The following UVRAG variants were observed in gnomAD, a reference collection of about 807,000 sequenced individuals.
The protein encoded by UVRAG is UV radiation resistance associated, also known as UV radiation resistance-associated gene protein.
A neutral mutation model predicts 78.0 loss-of-function variants in UVRAG; 19 were observed. That is an observed-to-expected ratio of 0.24 (90% CI 0.17 to 0.36). UVRAG has a LOEUF of 0.36. UVRAG is among the 10% of genes least tolerant of loss of function. The pLI is 1.00. For missense variants in UVRAG, 740 were observed against 853.8 expected, an observed-to-expected ratio of 0.87 and a Z score of 1.66; for synonymous variants, 323 against 324.6, an observed-to-expected ratio of 1.00 and a Z score of 0.05.
intron 1 of UVRAG, among the ~76,000 whole-genome samples, chr11:75,839,882 A>G (rs1033962273): frequency 2.0e-5 from 3 of 147,404 alleles, no homozygotes; most frequent in Non-Finnish European, 3.0e-5. Flanking sequence ...GAGAGAGAGA[A>G]AGAGATTGAG....
chr11:76,076,059 G>C (rs1006915605), intron 13 of UVRAG, among the ~76,000 whole-genome samples: 1 of 152,076 alleles, frequency 6.6e-6, no homozygotes, highest in African/African-American at 2.4e-5. Flanking sequence ...TGAACATTTG[G>C]GTACAAGTTT....
At chr11:75,896,903 A>G (rs1365036318) in intron 5 of UVRAG, among the ~76,000 whole-genome samples, 2 of 152,238 alleles carry the variant, frequency 1.3e-5, no homozygotes, top group Non-Finnish European at 2.9e-5. Context: ...GAAATTACTT[A>G]TAGACAAATC....
At chr11:76,063,325 T>C (rs1211847402) in intron 12 of UVRAG, among the ~76,000 whole-genome samples, 1 of 152,164 alleles carries the variant, frequency 6.6e-6, no homozygotes, top group Non-Finnish European at 1.5e-5. Flanking sequence ...TAAGCCAGTT[T>C]GATAGTTCAC....
chr11:76,119,285 C>T (rs1952235604), intron 14 of UVRAG, among the ~76,000 whole-genome samples: 1 of 152,106 alleles, frequency 6.6e-6, no homozygotes, highest in Admixed American at 6.5e-5. Context: ...TTCTCCATGG[C>T]CCCATCTTAG....
chr11:75,913,453 C>G (rs1465808358), intron 6 of UVRAG, among the ~76,000 whole-genome samples: 1 of 152,070 alleles, frequency 6.6e-6, no homozygotes, highest in Non-Finnish European at 1.5e-5. Flanking sequence ...ATTAATCCTA[C>G]CCTGCCTTTA....
At chr11:75,996,059 G>GT (rs1382335910) in intron 8 of UVRAG, among the ~76,000 whole-genome samples, 2 of 151,990 alleles carry the variant, frequency 1.3e-5, no homozygotes, top group African/African-American at 4.8e-5. Context: ...CAGTTTCCAT[G>GT]TAAGTATAGT....
At chr11:76,087,316 G>A (rs1159778464) in intron 13 of UVRAG, among the ~76,000 whole-genome samples, 2 of 152,184 alleles carry the variant, frequency 1.3e-5, no homozygotes, top group Non-Finnish European at 1.5e-5. Flanking sequence ...TGACCGGTGA[G>A]CAGTATGGTA....
In UVRAG at chr11:75,836,632, G is replaced by C. The variant is rs1590916190; in HGVS notation, c.118-15251G>C. Among the ~76,000 whole-genome samples the C allele has an allele frequency of 2.0e-5, 3 of 152,080 alleles. No homozygotes were observed. The South Asian group carries it at 6.2e-4, about 32-fold the overall frequency. Reference sequence around the variant, plus strand: ...CTTCATTCACTGCCCTAAAGCTACTGTTCATACCACGAAAAAGCAGCTTCC... The same window carrying C: ...CTTCATTCACTGCCCTAAAGCTACTCTTCATACCACGAAAAAGCAGCTTCC... On this transcript the variant is annotated intron_variant, in intron 1 of 14. Coordinates refer to ENST00000356136, the MANE Select transcript of UVRAG (RefSeq NM_003369.4).
chr11:75,919,845 A>G (rs751822618), intron 6 of UVRAG, among the ~76,000 whole-genome samples: 4 of 151,986 alleles, frequency 2.6e-5, no homozygotes, highest in Non-Finnish European at 5.9e-5. Context: ...GTCTGAAGAA[A>G]GGTCTGCCAG....
rs186070563 is a variant in UVRAG at position 76,019,810 on chromosome 11, G to A, written c.1226+2830G>A. On this transcript the variant is annotated intron_variant, in intron 12 of 14. Transcript: ENST00000356136. The stretch of plus-strand genomic sequence containing the variant: ...CAGCATAGGACTGGGTCTTATCCTA[G>A]GCCCTGTGTAACCTCTACCTGGCTA... 5.9e-5 allele frequency among the ~76,000 whole-genome samples: 9 copies of A among 152,280 alleles called. No individual in the cohort carries two copies. The East Asian group carries it at 1.4e-3, about 23-fold the overall frequency.
At chr11:76,140,623 A>T in intron 14 of UVRAG, 88 bp from the exon 15 acceptor site, 1 of 1,279,902 alleles carries the variant, frequency 7.8e-7, no homozygotes, top group Non-Finnish European at 1.1e-6. Context: ...GCTCAGACCT[A>T]AGTATGCTGT....
chr11:75,974,655 C>T (rs1410297815), intron 7 of UVRAG, among the ~76,000 whole-genome samples: 4 of 152,066 alleles, frequency 2.6e-5, no homozygotes, highest in Admixed American at 6.5e-5. Flanking sequence ...CGTGAGCCAC[C>T]GCGCCCGGCC....
At chr11:76,064,778 A>G (rs1455732490) in intron 12 of UVRAG, among the ~76,000 whole-genome samples, 1 of 152,216 alleles carries the variant, frequency 6.6e-6, no homozygotes, top group African/African-American at 2.4e-5. Flanking sequence ...TTAAAAGACA[A>G]TTGAAATTAA....
At chr11:75,873,086 G>A (rs1219875608) in intron 3 of UVRAG, among the ~76,000 whole-genome samples, 1 of 152,172 alleles carries the variant, frequency 6.6e-6, no homozygotes, top group African/African-American at 2.4e-5. Context: ...TAGAGGAGCG[G>A]CAGCCAGCCC....
rs1307428681 is a variant in UVRAG at position 76,144,064 on chromosome 11, C to G, written c.*2651C>G. On this transcript the variant is annotated 3_prime_UTR_variant, in exon 15 of 15. Coordinates refer to ENST00000356136, the MANE Select transcript of UVRAG (RefSeq NM_003369.4). ...ATTAGTTTTGGAAGATTGTGCCCAG[C>G]TATATATTTTTTAGCAGTTCTAATG... Among the ~76,000 whole-genome samples the G allele has an allele frequency of 6.6e-6, 1 of 152,124 alleles. No individual in the cohort carries two copies. The highest frequency in any genetic ancestry group is 2.4e-5 in the African/African-American group (1 of 41,418).
chr11:75,902,573 T>G (rs1336843328), intron 5 of UVRAG, among the ~76,000 whole-genome samples: 2 of 152,200 alleles, frequency 1.3e-5, no homozygotes, highest in African/African-American at 4.8e-5. Context: ...TAAATGGAGC[T>G]CTTCATTTTT....
At chr11:76,108,620 A>G (rs1264967768) in intron 13 of UVRAG, among the ~76,000 whole-genome samples, 1 of 152,222 alleles carries the variant, frequency 6.6e-6, no homozygotes, top group African/African-American at 2.4e-5. Context: ...ATTTTTATAC[A>G]AAAAGGGGGT....
chr11:76,106,763 T>G (rs1190188196), intron 13 of UVRAG, among the ~76,000 whole-genome samples: 1 of 152,134 alleles, frequency 6.6e-6, no homozygotes, highest in Non-Finnish European at 1.5e-5. Flanking sequence ...CAGGGTATTT[T>G]GGGGTAAATC....
intron 7 of UVRAG, among the ~76,000 whole-genome samples, chr11:75,971,981 G>A (rs117168328): frequency 4.3e-4 from 65 of 152,132 alleles, no homozygotes; most frequent in Non-Finnish European, 7.9e-4. Context: ...ATGAGCCACC[G>A]TGCCCAGCCA....
Sources: allele counts gnomAD v4.1 joint callset (sites outside exome capture counted in the v4.1 genomes callset), GRCh38; gene constraint gnomAD v4.1.1; transcripts MANE v1.5; gene names NCBI Gene and HGNC (gene_info 2026-07-23, HGNC 2026-07-21).